The following KCMF1 variants were observed in gnomAD, a reference collection of about 807,000 sequenced individuals.
KCMF1 encodes E3 ubiquitin-protein ligase KCMF1.
KCMF1 carries 3 observed loss-of-function variants against 41.1 expected under a neutral mutation model. The observed-to-expected ratio is 0.07, with a 90% CI of 0.03 to 0.19. The LOEUF (loss-of-function observed/expected upper bound fraction) is 0.19. KCMF1 is among the 10% of genes least tolerant of loss of function. The pLI, the probability that KCMF1 is intolerant of heterozygous loss-of-function variation, is 1.00. For missense variants in KCMF1, 286 were observed against 488.9 expected (o/e 0.58, Z 3.91); for synonymous variants, 142 against 164.5 (o/e 0.86, Z 1.04).
At chr2:85,020,463 C>G (rs1241163475) in intron 1 of KCMF1, among the ~76,000 whole-genome samples, 3 of 152,142 alleles carry the variant, frequency 2.0e-5, no homozygotes, top group African/African-American at 7.2e-5. Flanking sequence ...GGGTCTCACT[C>G]TGGCACCCAG....
intron 1 of KCMF1, among the ~76,000 whole-genome samples, chr2:85,004,774 T>C (rs1381542534): frequency 6.6e-6 from 1 of 152,136 alleles, no homozygotes; most frequent in African/African-American, 2.4e-5. Context: ...GAGTCTTGCT[T>C]GAACTAGGCC....
At chr2:85,038,429 C>G (rs1169609587) in intron 3 of KCMF1, among the ~76,000 whole-genome samples, 2 of 152,186 alleles carry the variant, frequency 1.3e-5, no homozygotes, top group Non-Finnish European at 2.9e-5. Flanking sequence ...TAGCATAGAT[C>G]ATCCACTAGT....
chr2:85,046,403 G>C (rs1170222832), intron 5 of KCMF1, 125 bp downstream of exon 5: 1 of 666,026 alleles, frequency 1.5e-6, no homozygotes, highest in Non-Finnish European at 2.5e-6. Context: ...GCTGGAGCGG[G>C]TGGATCACTT....
chr2:85,012,219 C>G (rs181730862), intron 1 of KCMF1, among the ~76,000 whole-genome samples: 1 of 152,068 alleles, frequency 6.6e-6, no homozygotes, highest in Non-Finnish European at 1.5e-5. Context: ...AGAGTCAACT[C>G]CTGATAAAGT....
chr2:84,982,230 C>T (rs1293139572), intron 1 of KCMF1, among the ~76,000 whole-genome samples: 1 of 151,918 alleles, frequency 6.6e-6, no homozygotes, highest in African/African-American at 2.4e-5. Context: ...ATAGCTGTAC[C>T]CTACTGTTCT....
chr2:84,993,548 A>AT (rs1674097617), intron 1 of KCMF1, among the ~76,000 whole-genome samples: 2 of 145,930 alleles, frequency 1.4e-5, no homozygotes, highest in Non-Finnish European at 3.0e-5. Flanking sequence ...CTCTACCCCC[A>AT]TTATTTATTT....
At chr2:85,026,458 C>CA (rs1455433118) in intron 1 of KCMF1, among the ~76,000 whole-genome samples, 9 of 132,248 alleles carry the variant, frequency 6.8e-5, no homozygotes, top group African/African-American at 2.6e-4. Flanking sequence ...TCTTTCTTTC[C>CA]TTTATTATTA....
chr2:85,040,772 T>C (rs1406491383), intron 3 of KCMF1, among the ~76,000 whole-genome samples: 1 of 151,278 alleles, frequency 6.6e-6, no homozygotes, highest in Non-Finnish European at 1.5e-5. Flanking sequence ...TCTTTTCTTT[T>C]TTTTTTTTTT....
chr2:84,972,476 A>G (rs1673425988), intron 1 of KCMF1, among the ~76,000 whole-genome samples: 2 of 152,340 alleles, frequency 1.3e-5, no homozygotes, highest in Middle Eastern at 3.4e-3. Context: ...TTTCACTACT[A>G]CAGGTTTTTG....
chr2:85,034,653 T>C (rs1485333916), intron 2 of KCMF1, among the ~76,000 whole-genome samples: 1 of 152,192 alleles, frequency 6.6e-6, no homozygotes, highest in African/African-American at 2.4e-5. Flanking sequence ...TTGAATATTT[T>C]AGGCACACTT....
intron 2 of KCMF1, among the ~76,000 whole-genome samples, chr2:85,028,483 CTTTTTTTTT>C (rs398042498): frequency 1.1e-4 from 5 of 47,236 alleles, no homozygotes; most frequent in African/African-American, 2.9e-4. Context: ...CTGTGCCTGG[CTTTTTTTTT>C]TTTTTTTTTT....
intron 1 of KCMF1, among the ~76,000 whole-genome samples, chr2:84,995,018 A>G (rs1320236815): frequency 6.6e-6 from 1 of 150,808 alleles, no homozygotes; most frequent in Non-Finnish European, 1.5e-5. Context: ...CGAAATTTAA[A>G]TTTTATTAAT....
chr2:85,006,543 A>G (rs1674477469), intron 1 of KCMF1, among the ~76,000 whole-genome samples: 1 of 151,302 alleles, frequency 6.6e-6, no homozygotes, highest in Non-Finnish European at 1.5e-5. Flanking sequence ...CTTGTGATCC[A>G]CCACCTTGGT....
At chr2:85,044,500 C>T (rs1012217433) in intron 4 of KCMF1, among the ~76,000 whole-genome samples, 1 of 152,132 alleles carries the variant, frequency 6.6e-6, no homozygotes, top group African/African-American at 2.4e-5. Context: ...CTCAGCCTCC[C>T]AAGTAGCTAA....
At chr2:85,017,468 C>T (rs755696555) in intron 1 of KCMF1, among the ~76,000 whole-genome samples, 6 of 152,002 alleles carry the variant, frequency 3.9e-5, no homozygotes, top group Non-Finnish European at 8.8e-5. Context: ...TGATACACAC[C>T]GTTTTTTAAA....
intron 2 of KCMF1, 104 bp downstream of exon 2, chr2:85,028,160 C>T: frequency 1.5e-6 from 1 of 662,538 alleles, no homozygotes. Context: ...TACCATAAGC[C>T]CCAAATTCAT....
intron 1 of KCMF1, among the ~76,000 whole-genome samples, chr2:84,971,766 G>A (rs1036411922): frequency 6.6e-6 from 1 of 150,756 alleles, no homozygotes; most frequent in Non-Finnish European, 1.5e-5. Context: ...ACCGGCGGGA[G>A]CTCGGCCTTC....
intron 4 of KCMF1, among the ~76,000 whole-genome samples, chr2:85,045,396 G>A (rs906339890): frequency 2.0e-5 from 3 of 152,068 alleles, no homozygotes; most frequent in South Asian, 2.1e-4. Flanking sequence ...CTACCCATCC[G>A]GTCCTTAAAT....
At position 85,056,495 on chromosome 2, in the gene KCMF1, T is replaced by G. The variant is rs1334205216; in HGVS notation, c.*3086T>G. 1 of 152,176 alleles carries G rather than the reference T, an allele frequency of 6.6e-6. No homozygotes were observed. Among genetic ancestry groups the G allele is most frequent in the East Asian group, 1.9e-4 (1 of 5,202 alleles). The allele number at this position is 152,176 out of a possible 1,614,324, so 9.4% of individuals were successfully genotyped here. A position where few individuals can be genotyped will look rare whatever the true frequency, so the allele number is the denominator to read the frequency against. Reference sequence around the variant, plus strand: ...AAGCTAGGCTCCTCACTGCAAATATTAACGCTTTATATATTTACTCCATGG... The same window carrying G: ...AAGCTAGGCTCCTCACTGCAAATATGAACGCTTTATATATTTACTCCATGG... On this transcript the variant is annotated 3_prime_UTR_variant, in exon 7 of 7. Coordinates refer to ENST00000409785, the MANE Select transcript of KCMF1 (RefSeq NM_020122.5).
Sources: gnomAD v4.1 joint callset for allele counts (sites outside exome capture counted in the v4.1 genomes callset) on GRCh38, gnomAD v4.1.1 for gene constraint, MANE v1.5 for transcripts, NCBI Gene and HGNC (gene_info 2026-07-23, HGNC 2026-07-21) for gene names.